Variants in PATJ observed in about 807,000 individuals in gnomAD.
PATJ encodes the protein PATJ crumbs cell polarity complex component.
Under a neutral mutation model 224.9 loss-of-function variants are expected in PATJ, and 190 were observed. The ratio of observed to expected loss-of-function variants is 0.84; its 90% CI spans 0.75 to 0.95. The LOEUF is 0.95. PATJ is among the 40% of genes least tolerant of loss of function. The probability of loss-of-function intolerance (pLI) is 0.00; values close to 1 mark genes in which losing one functional copy is unlikely to be tolerated. For missense variants in PATJ, 2,121 were observed against 2,270.3 expected, an observed-to-expected ratio of 0.93 and a Z score of 1.34; for synonymous variants, 769 against 820.3, an observed-to-expected ratio of 0.94 and a Z score of 1.07.
At chr1:61,828,686 C>G (rs947314960) in intron 16 of PATJ, among the ~76,000 whole-genome samples, 1 of 152,122 alleles carries the variant, frequency 6.6e-6, no homozygotes, top group Admixed American at 6.6e-5. Flanking sequence ...GCGACTGTAC[C>G]CAGCTGGAAG....
At chr1:62,155,319 A>C (rs1472124085) in intron 43 of PATJ, among the ~76,000 whole-genome samples, 2 of 152,152 alleles carry the variant, frequency 1.3e-5, no homozygotes, top group Non-Finnish European at 2.9e-5. Flanking sequence ...AGCTTAGCAG[A>C]CTGCCCCAGC....
chr1:61,772,416 A>G lies in PATJ; in HGVS notation c.720+790A>G, dbSNP rs111726402. On this transcript the variant is annotated intron_variant, in intron 6 of 43. Transcript: ENST00000642238. Reference sequence around the variant, plus strand: ...AGATACATACTGAACAATTTGAAAGAATAAAAGTGTATGTCTCTTTTGGGA... The same window carrying G: ...AGATACATACTGAACAATTTGAAAGGATAAAAGTGTATGTCTCTTTTGGGA... 2.4e-3 allele frequency among the ~76,000 whole-genome samples: 364 copies of G among 152,304 alleles called. 3 individuals are homozygous for G. Among genetic ancestry groups the G allele is most frequent in the African/African-American group, 8.3e-3 (347 of 41,578 alleles).
At chr1:61,963,962 T>G (rs1395833355) in intron 27 of PATJ, among the ~76,000 whole-genome samples, 5 of 152,150 alleles carry the variant, frequency 3.3e-5, no homozygotes, top group Non-Finnish European at 7.3e-5. Flanking sequence ...TTTAAAAGCT[T>G]TAGTTGAATG....
chr1:61,896,427 C>A (rs186710974), intron 22 of PATJ, among the ~76,000 whole-genome samples: 23 of 152,208 alleles, frequency 1.5e-4, no homozygotes, highest in African/African-American at 5.5e-4. Context: ...ATGCCTGTAC[C>A]CCCATTGTAT....
intron 41 of PATJ, among the ~76,000 whole-genome samples, chr1:62,141,611 G>T (rs1261432870): frequency 6.6e-6 from 1 of 151,802 alleles, no homozygotes; most frequent in Non-Finnish European, 1.5e-5. Flanking sequence ...GGAGGTGGAG[G>T]TTACAGTGAG....
intron 31 of PATJ, among the ~76,000 whole-genome samples, chr1:62,074,200 T>TA (rs796132175): frequency 5.4e-5 from 6 of 111,588 alleles, no homozygotes; most frequent in South Asian, 3.0e-4. Flanking sequence ...AAACCCAAAT[T>TA]AAAAAAAATA....
At chr1:62,085,968 T>C (rs1659920562) in intron 33 of PATJ, among the ~76,000 whole-genome samples, 1 of 152,058 alleles carries the variant, frequency 6.6e-6, no homozygotes, top group African/African-American at 2.4e-5. Flanking sequence ...TGATTGACTT[T>C]TTATTGTTTT....
chr1:62,148,300 A>G lies in PATJ; in HGVS notation c.5288A>G (p.Asn1763Ser), dbSNP rs1200189127. Residue 1763 changes from asparagine to serine, a missense_variant, in exon 42 of 44, where the codon AAT becomes AGT. Coordinates refer to ENST00000642238, the MANE Select transcript of PATJ (RefSeq NM_001350145.3). ...RIILQVVADT[N>S]ISAIAAQLEN... ...TTTCCCCAGGTTGTAGCAGATACCAATATAAGCGCCATAGCAGCTCAGCTT... is the reference window on the plus strand; with the variant it reads ...TTTCCCCAGGTTGTAGCAGATACCAGTATAAGCGCCATAGCAGCTCAGCTT... 7 of 1,613,606 alleles carry G rather than the reference A, an allele frequency of 4.3e-6. No individual in the cohort carries two copies. Among genetic ancestry groups the G allele is most frequent in the East Asian group, 2.2e-5 (1 of 44,876 alleles).
At chr1:61,937,054 A>G (rs1454802968) in intron 27 of PATJ, among the ~76,000 whole-genome samples, 3 of 152,190 alleles carry the variant, frequency 2.0e-5, no homozygotes, top group Non-Finnish European at 4.4e-5. Flanking sequence ...TGCCACTGCA[A>G]TGAAAGCTAT....
At chr1:61,933,153 G>A (rs1449190699) in intron 27 of PATJ, among the ~76,000 whole-genome samples, 2 of 152,152 alleles carry the variant, frequency 1.3e-5, no homozygotes, top group Non-Finnish European at 2.9e-5. Flanking sequence ...GCATCAATGC[G>A]TAGCTCTTGG....
rs1459849008 is a variant in PATJ, at chr1:62,156,054, T to TTAA, written c.5502+2573_5502+2574insTAA. On this transcript the variant is annotated intron_variant, in intron 43 of 43. Coordinates refer to ENST00000642238, the MANE Select transcript of PATJ (RefSeq NM_001350145.3). ...GCCTGGGTGACAGAGCAAGACTCTG[T>TTAA]AAAAAAAAAAAAAAAAAAAAAAAAA... is the stretch of plus-strand genomic sequence containing the variant. Among the ~76,000 whole-genome samples, 5 of 43,064 alleles carry TTAA rather than the reference T, an allele frequency of 1.2e-4. 1 individual carries two copies. The highest frequency in any genetic ancestry group is 1.6e-4 in the Non-Finnish European group (4 of 25,640). 28.3% of individuals were successfully genotyped at this position (43,064 alleles called of 152,430 possible).
At chr1:61,837,484 TTGAAC>T (rs1193998624) in intron 17 of PATJ, among the ~76,000 whole-genome samples, 10 of 152,052 alleles carry the variant, frequency 6.6e-5, no homozygotes, top group Admixed American at 1.3e-4. Context: ...TTTATATAAA[TTGAAC>T]TGAACTTTAG....
intron 26 of PATJ, among the ~76,000 whole-genome samples, chr1:61,916,013 G>C (rs1275662914): frequency 6.6e-6 from 1 of 151,984 alleles, no homozygotes; most frequent in African/African-American, 2.4e-5. Context: ...TCTTTAAAAA[G>C]ATACTGAAAT....
chr1:61,871,465 A>ATGTATATACATATATATGCGTATATATG (rs1553186054), intron 20 of PATJ, among the ~76,000 whole-genome samples: 6,008 of 119,178 alleles, frequency 0.05, 331 homozygotes, highest in South Asian at 0.14. Flanking sequence ...GCGTATATAT[A>ATGTATATACATATATATGCGTATATATG]TGTATATACA....
intron 28 of PATJ, among the ~76,000 whole-genome samples, chr1:62,017,129 T>C (rs1646812106): frequency 6.6e-6 from 1 of 152,176 alleles, no homozygotes; most frequent in South Asian, 2.1e-4. Flanking sequence ...TTTTTAGCAT[T>C]TGAGAGTCCT....
chr1:61,802,698 A>AGTT, intron 12 of PATJ, among the ~76,000 whole-genome samples: 1 of 152,214 alleles, frequency 6.6e-6, no homozygotes, highest in South Asian at 2.1e-4. Flanking sequence ...CATTTCTATA[A>AGTT]GTTGCATTGA....
chr1:62,161,331 CTTTTTTTTTTT>C lies in PATJ; in HGVS notation c.*292_*302del, dbSNP rs557464862. On this transcript the variant is annotated 3_prime_UTR_variant, in exon 44 of 44. Coordinates refer to ENST00000642238, the MANE Select transcript of PATJ (RefSeq NM_001350145.3). ...GCATTTAATTTCAGTGTTCCGATTT[CTTTTTTTTTTT>C]TTTTTTTTTTTTTTGAGACGGAGTC... 2,222 of 93,062 alleles carry C rather than the reference CTTTTTTTTTTT, an allele frequency of 0.024. 61 individuals are homozygous for C. The highest frequency in any genetic ancestry group is 0.084 in the African/African-American group (2,080 of 24,714). 5.8% of individuals were successfully genotyped at this position (93,062 alleles called of 1,614,324 possible). A position where few individuals can be genotyped will look rare whatever the true frequency, so the allele number is the denominator to read the frequency against.
intron 1 of PATJ, among the ~76,000 whole-genome samples, chr1:61,753,813 A>G (rs1390782602): frequency 6.6e-6 from 1 of 151,504 alleles, no homozygotes; most frequent in Middle Eastern, 3.2e-3. Context: ...CCCAGCCTAT[A>G]TATTTTATTT....
At chr1:62,072,998 T>G (rs2148696525) in intron 31 of PATJ, 1 of 980,832 alleles carries the variant, frequency 1.0e-6, no homozygotes, top group Non-Finnish European at 1.2e-6. Flanking sequence ...TGCTGCTAAT[T>G]GGTTGTGTCT....
Sources: allele counts gnomAD v4.1 joint callset (sites outside exome capture counted in the v4.1 genomes callset), GRCh38; gene constraint gnomAD v4.1.1; transcripts MANE v1.5; gene names NCBI Gene and HGNC (gene_info 2026-07-23, HGNC 2026-07-21).